CHSY1: variants seen among roughly 807,000 people sequenced by gnomAD.
The protein encoded by CHSY1 is N-acetylgalactosaminyl-proteoglycan 3-beta-glucuronosyltransferase 1.
In CHSY1, 13 loss-of-function variants were observed where a neutral mutation model predicts 59.8. That is an observed-to-expected ratio of 0.22 (90% CI 0.14 to 0.35). The LOEUF is 0.35. Among genes scored for constraint, CHSY1 ranks in the 10% least tolerant of loss-of-function variants. The probability of loss-of-function intolerance (pLI) is 1.00; values close to 1 mark genes in which losing one functional copy is unlikely to be tolerated. For missense variants in CHSY1, 947 were observed against 1,030.6 expected, an observed-to-expected ratio of 0.92 and a Z score of 1.11; for synonymous variants, 459 against 401.2, an observed-to-expected ratio of 1.14 and a Z score of -1.72.
At chr15:101,186,131 G>A (rs1304291883) in intron 2 of CHSY1, among the ~76,000 whole-genome samples, 1 of 127,706 alleles carries the variant, frequency 7.8e-6, no homozygotes, top group Non-Finnish European at 1.6e-5. Context: ...GCAACATGGT[G>A]AAACCTTGTC....
chr15:101,200,755 T>A (rs74040372), intron 2 of CHSY1, among the ~76,000 whole-genome samples: 7,183 of 152,212 alleles, frequency 0.047, 401 homozygotes, highest in East Asian at 0.19. Context: ...TGCCCCAGCC[T>A]CACCTTGCTC....
chr15:101,238,835 T>C (rs12440071), intron 1 of CHSY1, among the ~76,000 whole-genome samples: 1 of 152,206 alleles, frequency 6.6e-6, no homozygotes, highest in Non-Finnish European at 1.5e-5. Flanking sequence ...ACAAAGGATA[T>C]GCTCCTGAAG....
chr15:101,180,138 CCGT>C (rs1467764392), intron 2 of CHSY1, among the ~76,000 whole-genome samples: 1 of 152,186 alleles, frequency 6.6e-6, no homozygotes, highest in Non-Finnish European at 1.5e-5. Flanking sequence ...ACTGCAACTA[CCGT>C]TTAATAGTAG....
chr15:101,229,946 C>CTT (rs796312516), intron 2 of CHSY1, among the ~76,000 whole-genome samples: 9 of 142,392 alleles, frequency 6.3e-5, no homozygotes, highest in Admixed American at 1.4e-4. Flanking sequence ...CAATATCCCA[C>CTT]TTTTTTTTTT....
intron 2 of CHSY1, among the ~76,000 whole-genome samples, chr15:101,234,097 G>A (rs1465079227): frequency 6.6e-6 from 1 of 152,162 alleles, no homozygotes; most frequent in African/African-American, 2.4e-5. Flanking sequence ...ACACAGGAAA[G>A]TCCAAAGCCA....
At chr15:101,216,365 T>G (rs965512212) in intron 2 of CHSY1, among the ~76,000 whole-genome samples, 1 of 152,230 alleles carries the variant, frequency 6.6e-6, no homozygotes, top group South Asian at 2.1e-4. Context: ...CATAGTCTTA[T>G]ATACAATCCA....
At chr15:101,223,869 G>A (rs750634121) in intron 2 of CHSY1, among the ~76,000 whole-genome samples, 4 of 152,224 alleles carry the variant, frequency 2.6e-5, no homozygotes, top group African/African-American at 2.4e-5. Context: ...TCAGGATTTA[G>A]TGCTGATCAT....
At chr15:101,188,587 T>C (rs1295771726) in intron 2 of CHSY1, among the ~76,000 whole-genome samples, 1 of 116,460 alleles carries the variant, frequency 8.6e-6, no homozygotes, top group Non-Finnish European at 1.6e-5. Flanking sequence ...AGCTGGGACT[T>C]TAGTGGTTAA....
At chr15:101,238,653 T>C (rs920085420) in intron 1 of CHSY1, among the ~76,000 whole-genome samples, 3 of 152,244 alleles carry the variant, frequency 2.0e-5, no homozygotes, top group African/African-American at 7.2e-5. Flanking sequence ...TATAAGATGG[T>C]GTTGTTAATG....
At chr15:101,206,249 C>T (rs1451348409) in intron 2 of CHSY1, among the ~76,000 whole-genome samples, 1 of 152,134 alleles carries the variant, frequency 6.6e-6, no homozygotes, top group Non-Finnish European at 1.5e-5. Flanking sequence ...GCCTCGTGCG[C>T]CACGGAGTGA....
chr15:101,225,022 AG>A (rs1263479558), intron 2 of CHSY1, among the ~76,000 whole-genome samples: 1 of 152,192 alleles, frequency 6.6e-6, no homozygotes, highest in Admixed American at 6.5e-5. Flanking sequence ...AGGCAACGAG[AG>A]TGCCTCCCAC....
intron 2 of CHSY1, among the ~76,000 whole-genome samples, chr15:101,204,500 G>T (rs564495492): frequency 6.6e-6 from 1 of 151,240 alleles, no homozygotes; most frequent in Non-Finnish European, 1.5e-5. Flanking sequence ...TGATAAAGCT[G>T]ATGTGGTAAA....
At chr15:101,216,625 G>C (rs1423556313) in intron 2 of CHSY1, among the ~76,000 whole-genome samples, 2 of 152,236 alleles carry the variant, frequency 1.3e-5, no homozygotes, top group African/African-American at 4.8e-5. Flanking sequence ...AATCCAGTAT[G>C]AAAGAGCTAT....
chr15:101,217,100 G>A (rs983225969), intron 2 of CHSY1, among the ~76,000 whole-genome samples: 1 of 152,196 alleles, frequency 6.6e-6, no homozygotes, highest in Non-Finnish European at 1.5e-5. Context: ...TGCTGAAGTT[G>A]TTTCCCAAAG....
chr15:101,189,329 G>A (rs2038413290), intron 2 of CHSY1: 3 of 572,896 alleles, frequency 5.2e-6, no homozygotes, highest in African/African-American at 2.1e-5. Context: ...AGCGTCACAC[G>A]TGACCCAACA....
At chr15:101,208,883 G>A (rs567656122) in intron 2 of CHSY1, among the ~76,000 whole-genome samples, 5 of 152,198 alleles carry the variant, frequency 3.3e-5, no homozygotes, top group African/African-American at 1.2e-4. Flanking sequence ...AAGTAAATGG[G>A]AAAAGGAACA....
At position 101,176,465 on chromosome 15, in the gene CHSY1, T is replaced by C; in HGVS notation, c.*923A>G. On this transcript the variant is annotated 3_prime_UTR_variant, in exon 3 of 3. Transcript: ENST00000254190. Reference sequence around the variant, plus strand: ...ATATTTTACCCTTTAAAGAGAAGGGTCAAGAAGAGAAAATGCCAAATCCTT... The same window carrying C: ...ATATTTTACCCTTTAAAGAGAAGGGCCAAGAAGAGAAAATGCCAAATCCTT... The C allele has an allele frequency of 2.5e-6, 1 of 398,402 alleles. No homozygotes were observed. The highest frequency in any genetic ancestry group is 4.4e-5 in the Admixed American group (1 of 22,716). The allele number at this position is 398,402 out of a possible 1,614,324, so 24.7% of individuals were successfully genotyped here.
chr15:101,247,519 C>G (rs2039063719), intron 1 of CHSY1, among the ~76,000 whole-genome samples: 1 of 152,180 alleles, frequency 6.6e-6, no homozygotes, highest in South Asian at 2.1e-4. Flanking sequence ...TCCCCCAGGA[C>G]TCAGGGTCGG....
At chr15:101,233,078 C>T (rs2038906888) in intron 2 of CHSY1, among the ~76,000 whole-genome samples, 1 of 152,200 alleles carries the variant, frequency 6.6e-6, no homozygotes, top group Non-Finnish European at 1.5e-5. Flanking sequence ...ACAGGATGCA[C>T]CAAGCCTCAG....
Sources: gnomAD v4.1 joint callset for allele counts (sites outside exome capture counted in the v4.1 genomes callset) on GRCh38, gnomAD v4.1.1 for gene constraint, MANE v1.5 for transcripts, NCBI Gene and HGNC (gene_info 2026-07-23, HGNC 2026-07-21) for gene names.